KNOP1: variants seen among roughly 807,000 people sequenced by gnomAD.
KNOP1 encodes the protein lysine-rich nucleolar protein 1.
In KNOP1, 20 loss-of-function variants were observed where a neutral mutation model predicts 30.6. The observed-to-expected ratio is 0.65, with a 90% CI of 0.46 to 0.95. KNOP1 has a LOEUF of 0.95. Ranked by LOEUF, KNOP1 falls within the 40% of genes least tolerant of loss-of-function variation. The pLI, the probability that KNOP1 is intolerant of heterozygous loss-of-function variation, is 0.00. For missense variants in KNOP1, 540 were observed against 562.0 expected (o/e 0.96, Z 0.40); for synonymous variants, 204 against 210.0 (o/e 0.97, Z 0.25).
Position 19,714,777 on chromosome 16 carries a change from T to C in KNOP1, c.259A>G (p.Thr87Ala). The C allele has an allele frequency of 6.2e-7, 1 of 1,614,218 alleles. No homozygotes were observed. The highest frequency in any genetic ancestry group is 8.5e-7 in the Non-Finnish European group (1 of 1,180,034). ...TTCTCTGTCCGTCTAGCAGGCAGCG[T>C]GGTCTCAGGTTCTACATGCTCCTCG... ...LCEEHVEPET[T>A]LPARRTEKSP... is the part of the protein sequence containing the mutation. The change falls in exon 2 of 5, where the codon ACG (threonine) becomes GCG (alanine). Residue 87 changes from threonine (T) to alanine (A), a missense_variant. By Grantham distance (58) the Thr-to-Ala change is moderately conservative. Coordinates refer to ENST00000219837, the MANE Select transcript of KNOP1 (RefSeq NM_001012991.3).
chr16:19,714,762 G>C lies in KNOP1; in HGVS notation c.274C>G (p.Arg92Gly). ...VEPETTLPAR[R>G]TEKSPSLRKQ... ...CTGAGGCTGGGTGACTTCTCTGTCC[G>C]TCTAGCAGGCAGCGTGGTCTCAGGT... Residue 92 changes from arginine (R) to glycine (G), a missense_variant, in exon 2 of 5, where the codon CGG becomes GGG. Coordinates refer to ENST00000219837, the MANE Select transcript of KNOP1 (RefSeq NM_001012991.3). 10 of 1,614,194 alleles carry C rather than the reference G, an allele frequency of 6.2e-6. No individual in the cohort carries two copies. Among genetic ancestry groups the C allele is most frequent in the Non-Finnish European group, 8.5e-6 (10 of 1,180,048 alleles).
Position 19,704,999 on chromosome 16 carries a change from C to T in KNOP1, c.*1911G>A. On this transcript the variant is annotated 3_prime_UTR_variant, in exon 5 of 5. Transcript: ENST00000219837. Reference sequence around the variant, plus strand: ...CTTCTTGACTGAAGGGAATCACCAGCCTTCCCATGACAGGGGCGGGTGCAG... The same window carrying T: ...CTTCTTGACTGAAGGGAATCACCAGTCTTCCCATGACAGGGGCGGGTGCAG... 2.8e-6 allele frequency: 1 copy of T among 357,394 alleles called. No individual in the cohort carries two copies. The allele number at this position is 357,394 out of a possible 1,614,324, so 22.1% of individuals were successfully genotyped here.
At position 19,704,970 on chromosome 16, in the gene KNOP1, C is replaced by A. The variant is rs1004254685; in HGVS notation, c.*1940G>T. The A allele has an allele frequency of 8.6e-5, 30 of 347,816 alleles. No individual in the cohort carries two copies. Among genetic ancestry groups the A allele is most frequent in the Non-Finnish European group, 1.6e-4 (28 of 175,874 alleles). The allele number at this position is 347,816 out of a possible 1,614,324, so 21.5% of individuals were successfully genotyped here. The stretch of plus-strand genomic sequence containing the variant: ...ACACCATGGCCACTTCACCAGCATC[C>A]ACTCTTCTTGACTGAAGGGAATCAC... On this transcript the variant is annotated 3_prime_UTR_variant, in exon 5 of 5. Transcript: ENST00000219837.
rs1976883007 is a variant in KNOP1, at chr16:19,714,384, T to A, written c.652A>T (p.Ile218Phe). ...GGGAGGGCATCTCCCTCCTGGTGGA[T>A]TTTTTTTTTCTTCTTCACCTTCCCA... ...HNGKVKKKKK[I>F]HQEGDALPGH... Residue 218 changes from isoleucine to phenylalanine, a missense_variant, in exon 2 of 5, where the codon ATC (isoleucine) becomes TTC (phenylalanine). Coordinates refer to ENST00000219837, the MANE Select transcript of KNOP1 (RefSeq NM_001012991.3). 3 of 1,593,708 alleles carry A rather than the reference T, an allele frequency of 1.9e-6. No homozygotes were observed. The highest frequency in any genetic ancestry group is 2.6e-6 in the Non-Finnish European group (3 of 1,166,666).
chr16:19,716,278 T>C (rs910529679), intron 1 of KNOP1, among the ~76,000 whole-genome samples: 1 of 152,094 alleles, frequency 6.6e-6, no homozygotes, highest in African/African-American at 2.4e-5. Context: ...GATACAGAGA[T>C]GAACAAGATA....
chr16:19,711,648 A>G (rs1597468248), intron 2 of KNOP1: 2 of 588,748 alleles, frequency 3.4e-6, no homozygotes, highest in Admixed American at 2.9e-5. Context: ...CAGTAGTACT[A>G]AACTATTTGA....
chr16:19,709,463 G>T (rs1038486688), intron 4 of KNOP1, among the ~76,000 whole-genome samples: 2 of 152,198 alleles, frequency 1.3e-5, no homozygotes, highest in East Asian at 1.9e-4. Flanking sequence ...CCTGCAGGCT[G>T]AGCCTTCTAC....
chr16:19,707,417 T>C (rs937098358), intron 4 of KNOP1, among the ~76,000 whole-genome samples, 196 bp from the exon 5 acceptor site: 1 of 151,948 alleles, frequency 6.6e-6, no homozygotes, highest in African/African-American at 2.4e-5. Context: ...GTTATTCCCA[T>C]TGCACAGAGG....
In KNOP1 at chr16:19,714,998, G is replaced by A. The variant is rs1976946614; in HGVS notation, c.38C>T (p.Pro13Leu). 2 of 1,584,586 alleles carry A rather than the reference G, an allele frequency of 1.3e-6. No individual in the cohort carries two copies. The highest frequency in any genetic ancestry group is 1.2e-5 in the South Asian group (1 of 84,534). ...CACTTTCTTCTTCTTTTTCTTCTCT[G>A]GGAGCCCAAGGTCTACTTTGTGTGT... ...TKTHKVDLGLPEKKKKKKVVK... is the reference protein window; with the variant it reads ...TKTHKVDLGLLEKKKKKKVVK... The change falls in exon 2 of 5, where the codon CCA becomes CTA. Residue 13 changes from proline (P) to leucine (L), a missense_variant. Coordinates refer to ENST00000219837, the MANE Select transcript of KNOP1 (RefSeq NM_001012991.3).
Position 19,714,612 on chromosome 16 carries a change from T to G in KNOP1, c.424A>C (p.Thr142Pro), listed in dbSNP as rs760658613. Reference sequence around the variant, plus strand: ...TTTTTGAGCTTCTTGCCAACTCTGGTTTCCTCCTCACCCTGTCTAGGGTCT... The same window carrying G: ...TTTTTGAGCTTCTTGCCAACTCTGGGTTCCTCCTCACCCTGTCTAGGGTCT... ...SPDPRQGEEE[T>P]RVGKKLKKHK... Residue 142 changes from threonine to proline, a missense_variant, in exon 2 of 5, where the codon ACC (threonine) becomes CCC (proline). By Grantham distance (38) the Thr-to-Pro change is conservative. Coordinates refer to ENST00000219837, the MANE Select transcript of KNOP1 (RefSeq NM_001012991.3). The G allele has an allele frequency of 3.2e-5, 52 of 1,614,030 alleles. No homozygotes were observed. Among genetic ancestry groups the G allele is most frequent in the Admixed American group, 1.5e-4 (9 of 60,004 alleles).
intron 4 of KNOP1, 149 bp from the exon 5 acceptor site, chr16:19,707,370 C>T (rs928679786): frequency 3.1e-6 from 2 of 643,684 alleles, no homozygotes; most frequent in Non-Finnish European, 5.4e-6. Context: ...CGGATTATTC[C>T]GTTAATCCTA....
rs1240154452 is a variant in KNOP1, at chr16:19,704,627, A to C, written c.*2283T>G. The C allele has an allele frequency of 6.6e-6, 1 of 152,338 alleles. No individual in the cohort carries two copies. The highest frequency in any genetic ancestry group is 2.4e-5 in the African/African-American group (1 of 41,440). 9.4% of individuals were successfully genotyped at this position (152,338 alleles called of 1,614,324 possible). On this transcript the variant is annotated 3_prime_UTR_variant, in exon 5 of 5. Coordinates refer to ENST00000219837, the MANE Select transcript of KNOP1 (RefSeq NM_001012991.3). ...CGAACGGCTGGTTCCTGTTTACACC[A>C]GGCACATTCCTGTAGTGTTGCTCAA...
In KNOP1 at chr16:19,711,417, C is replaced by T. The variant is rs1245353415; in HGVS notation, c.942G>A (p.Val314=). The T allele has an allele frequency of 6.2e-7, 1 of 1,614,102 alleles. No homozygotes were observed. The highest frequency in any genetic ancestry group is 8.5e-7 in the Non-Finnish European group (1 of 1,180,012). ...CCATGTTGCCTTTTTTTTCCAACAC[C>T]ACCTCTAAGTCCGTGTCTGTTTCCT... is the stretch of plus-strand genomic sequence containing the variant. ...WKEETDTDLE[V]VLEKKGNMDE... The change falls in exon 3 of 5, where the codon GTG becomes GTA. Residue 314 remains valine (V), a synonymous_variant. Coordinates refer to ENST00000219837, the MANE Select transcript of KNOP1 (RefSeq NM_001012991.3).
chr16:19,711,106 T>TC (rs1175340884), intron 3 of KNOP1, among the ~76,000 whole-genome samples: 2 of 152,062 alleles, frequency 1.3e-5, no homozygotes, highest in Admixed American at 1.3e-4. Flanking sequence ...TAGGGACATG[T>TC]CCCCCACATC....
At chr16:19,717,997 G>A in intron 1 of KNOP1, 161 bp downstream of exon 1, 1 of 1,318,268 alleles carries the variant, frequency 7.6e-7, no homozygotes, top group South Asian at 1.6e-5. Context: ...AAAACTTTCT[G>A]GAGGCGGCGG....
At chr16:19,711,785 G>A (rs1478673121) in intron 2 of KNOP1, 5 of 342,578 alleles carry the variant, frequency 1.5e-5, no homozygotes, top group East Asian at 6.6e-5. Context: ...CACTACACAC[G>A]TCACCTACCT....
At chr16:19,717,206 AG>A (rs1254932118) in intron 1 of KNOP1, 3 of 573,288 alleles carry the variant, frequency 5.2e-6, no homozygotes, top group Non-Finnish European at 6.6e-6. Flanking sequence ...AGTTATATTT[AG>A]GGTTCGGTAC....
At chr16:19,717,234 C>T in intron 1 of KNOP1, 1 of 804,072 alleles carries the variant, frequency 1.2e-6, no homozygotes. Context: ...TGGTTTCAGG[C>T]ATCCACTGGG....
chr16:19,709,668 C>T (rs1396361862), intron 4 of KNOP1, among the ~76,000 whole-genome samples: 3 of 152,004 alleles, frequency 2.0e-5, no homozygotes, highest in Non-Finnish European at 2.9e-5. Context: ...TAGGGGTCTG[C>T]ACCGGCCACT....
Sources: allele counts gnomAD v4.1 joint callset (sites outside exome capture counted in the v4.1 genomes callset), GRCh38; gene constraint gnomAD v4.1.1; transcripts MANE v1.5; gene names NCBI Gene and HGNC (gene_info 2026-07-23, HGNC 2026-07-21).